Variants in GALNTL6 observed in about 807,000 individuals in gnomAD.
GALNTL6 encodes polypeptide N-acetylgalactosaminyltransferase like 6.
In GALNTL6, 46 loss-of-function variants were observed where a neutral mutation model predicts 73.7. The ratio of observed to expected loss-of-function variants is 0.62; its 90% CI spans 0.49 to 0.80. The LOEUF is 0.80. Ranked by LOEUF, GALNTL6 falls within the 30% of genes least tolerant of loss-of-function variation. GALNTL6 has a pLI of 0.00. For synonymous variants in GALNTL6, 259 were observed against 263.7 expected, an observed-to-expected ratio of 0.98 and a Z score of 0.17; for missense variants, 604 against 755.0, an observed-to-expected ratio of 0.80 and a Z score of 2.34.
intron 5 of GALNTL6, chr4:172,668,421 C>G (rs1731787669): frequency 6.6e-6 from 1 of 152,124 alleles, no homozygotes; most frequent in Non-Finnish European, 1.5e-5. Context: ...TTGAGAGTGT[C>G]ATAACCGGGA....
chr4:171,936,223 G>A (rs527526776), intron 2 of GALNTL6, among the ~76,000 whole-genome samples: 5 of 152,160 alleles, frequency 3.3e-5, no homozygotes, highest in African/African-American at 9.6e-5. Context: ...GAAGTTTGAA[G>A]GCAAGCCAAG....
intron 5 of GALNTL6, among the ~76,000 whole-genome samples, chr4:172,361,012 G>A (rs1449076280): frequency 6.6e-6 from 1 of 152,004 alleles, no homozygotes; most frequent in Non-Finnish European, 1.5e-5. Context: ...AAGTGTAAAG[G>A]AAACAACATA....
At chr4:172,440,614 A>T (rs1183044958) in intron 5 of GALNTL6, among the ~76,000 whole-genome samples, 1 of 152,104 alleles carries the variant, frequency 6.6e-6, no homozygotes, top group East Asian at 1.9e-4. Context: ...AAACTCTAGA[A>T]ATTGGGTGAC....
intron 2 of GALNTL6, among the ~76,000 whole-genome samples, chr4:172,107,312 C>T (rs1732702267): frequency 6.6e-6 from 1 of 152,140 alleles, no homozygotes. Context: ...TATTTTCAAA[C>T]AAAATCAGAT....
intron 5 of GALNTL6, among the ~76,000 whole-genome samples, chr4:172,603,252 G>A (rs990136105): frequency 6.6e-6 from 1 of 152,152 alleles, no homozygotes; most frequent in South Asian, 2.1e-4. Flanking sequence ...AATGTTATGT[G>A]TATACATAAA....
chr4:171,901,932 T>C (rs1237862147), intron 2 of GALNTL6, among the ~76,000 whole-genome samples: 1 of 152,140 alleles, frequency 6.6e-6, no homozygotes, highest in Non-Finnish European at 1.5e-5. Context: ...CAAATCCAGA[T>C]AAATAACTGG....
intron 7 of GALNTL6, among the ~76,000 whole-genome samples, chr4:172,848,987 G>T (rs1023664083): frequency 2.6e-5 from 4 of 152,118 alleles, no homozygotes; most frequent in Non-Finnish European, 5.9e-5. Context: ...CTGAAAGTCT[G>T]CTTCAGAAGC....
At chr4:172,277,357 G>A (rs1335953624) in intron 3 of GALNTL6, among the ~76,000 whole-genome samples, 1 of 151,994 alleles carries the variant, frequency 6.6e-6, no homozygotes, top group African/African-American at 2.4e-5. Context: ...ACCTGTGCCC[G>A]GAGCTGTCTT....
chr4:172,390,755 T>G, intron 5 of GALNTL6, among the ~76,000 whole-genome samples: 1 of 152,186 alleles, frequency 6.6e-6, no homozygotes, highest in East Asian at 1.9e-4. Context: ...ATGCGATATT[T>G]TGTTCAAATG....
At chr4:172,400,379 G>T (rs1024260566) in intron 5 of GALNTL6, among the ~76,000 whole-genome samples, 5 of 152,052 alleles carry the variant, frequency 3.3e-5, no homozygotes, top group South Asian at 4.1e-4. Flanking sequence ...TATAGACAAG[G>T]ATCTAACAGA....
chr4:172,955,232 C>T (rs1169319155), intron 10 of GALNTL6, among the ~76,000 whole-genome samples: 1 of 152,100 alleles, frequency 6.6e-6, no homozygotes, highest in Non-Finnish European at 1.5e-5. Flanking sequence ...AATCCCAGCA[C>T]TTTGGGAGGC....
chr4:172,289,973 T>C (rs1211564266), intron 3 of GALNTL6, among the ~76,000 whole-genome samples: 3 of 152,230 alleles, frequency 2.0e-5, no homozygotes, highest in Non-Finnish European at 4.4e-5. Flanking sequence ...ATCTAAATCA[T>C]ACTGTAAAAC....
Position 173,022,151 on chromosome 4 carries a change from AGAAGGCAG to A in GALNTL6, c.1638+540_1638+547del, listed in dbSNP as rs1331024945. ...GGAAAGAAGGAAGGAAAAGAGAGAG[AGAAGGCAG>A]GAAGGCAGGAAGGGAGAGAGGGAGG... On this transcript the variant is annotated intron_variant, in intron 12 of 12. Transcript: ENST00000506823. Among the ~76,000 whole-genome samples the A allele has an allele frequency of 8.0e-4, 105 of 130,464 alleles. 1 individual carries two copies. The highest frequency in any genetic ancestry group is 2.6e-3 in the African/African-American group (87 of 33,174). The allele number at this position is 130,464 out of a possible 152,430, so 85.6% of individuals were successfully genotyped here. A position where few individuals can be genotyped will look rare whatever the true frequency, so the allele number is the denominator to read the frequency against.
At chr4:172,983,973 A>G (rs1361597515) in intron 10 of GALNTL6, among the ~76,000 whole-genome samples, 1 of 151,994 alleles carries the variant, frequency 6.6e-6, no homozygotes, top group African/African-American at 2.4e-5. Flanking sequence ...TGCTTACTGA[A>G]GTCCATGGGG....
At chr4:172,204,459 T>G (rs1312827370) in intron 2 of GALNTL6, among the ~76,000 whole-genome samples, 2 of 152,204 alleles carry the variant, frequency 1.3e-5, no homozygotes, top group Non-Finnish European at 2.9e-5. Flanking sequence ...ACATTATCAC[T>G]GTTTCTGATT....
At chr4:172,785,514 A>G (rs1332771882) in intron 5 of GALNTL6, among the ~76,000 whole-genome samples, 1 of 152,192 alleles carries the variant, frequency 6.6e-6, no homozygotes, top group Non-Finnish European at 1.5e-5. Flanking sequence ...AATATGTGTC[A>G]GGCACTATTC....
intron 5 of GALNTL6, among the ~76,000 whole-genome samples, chr4:172,385,910 C>T (rs1434995969): frequency 6.6e-6 from 1 of 151,376 alleles, no homozygotes; most frequent in Non-Finnish European, 1.5e-5. Context: ...TGTTTATACA[C>T]ACACACACAT....
At chr4:172,433,783 A>G (rs1173091568) in intron 5 of GALNTL6, among the ~76,000 whole-genome samples, 2 of 151,818 alleles carry the variant, frequency 1.3e-5, no homozygotes, top group African/African-American at 2.4e-5. Context: ...TCCTACCACT[A>G]TTGGTTCTAT....
At chr4:172,308,129 G>A (rs1167893891) in intron 3 of GALNTL6, among the ~76,000 whole-genome samples, 1 of 137,150 alleles carries the variant, frequency 7.3e-6, no homozygotes, top group Non-Finnish European at 1.5e-5. Flanking sequence ...CATCGATTTT[G>A]TATACCGAAA....
Sources: gnomAD v4.1 joint callset for allele counts (sites outside exome capture counted in the v4.1 genomes callset) on GRCh38, gnomAD v4.1.1 for gene constraint, MANE v1.5 for transcripts, NCBI Gene and HGNC (gene_info 2026-07-23, HGNC 2026-07-21) for gene names.